The following ITSN1 variants were observed in gnomAD, a reference collection of about 807,000 sequenced individuals.
ITSN1 encodes intersectin 1, also known as intersectin-1.
ITSN1 carries 58 observed loss-of-function variants against 239.8 expected under a neutral mutation model. That is an observed-to-expected ratio of 0.24 (90% confidence interval 0.20 to 0.30). The LOEUF (loss-of-function observed/expected upper bound fraction) is 0.30, where lower values mean the gene tolerates loss of function less well. Ranked by LOEUF, ITSN1 falls within the 10% of genes least tolerant of loss-of-function variation. The pLI is 1.00. For synonymous variants in ITSN1, 780 were observed against 770.8 expected, an observed-to-expected ratio of 1.01 and a Z score of -0.20; for missense variants, 1,558 against 2,103.3, an observed-to-expected ratio of 0.74 and a Z score of 5.07.
At chr21:33,759,619 C>T (rs535288304) in intron 8 of ITSN1, among the ~76,000 whole-genome samples, 1 of 152,166 alleles carries the variant, frequency 6.6e-6, no homozygotes, top group East Asian at 1.9e-4. Context: ...TTCCATTGTA[C>T]CACAGTCCTT....
At chr21:33,803,769 G>A (rs1405219251) in intron 20 of ITSN1, among the ~76,000 whole-genome samples, 3 of 152,138 alleles carry the variant, frequency 2.0e-5, no homozygotes, top group African/African-American at 7.2e-5. Flanking sequence ...TCAAGGACAA[G>A]TATATTAGAG....
intron 29 of ITSN1, chr21:33,838,410 A>C (rs962726460): frequency 1.0e-6 from 1 of 983,226 alleles, no homozygotes; most frequent in African/African-American, 1.7e-5. Context: ...AAAATATATA[A>C]ATATATAAAC....
At chr21:33,779,898 C>T (rs2070009058) in intron 14 of ITSN1, among the ~76,000 whole-genome samples, 1 of 151,936 alleles carries the variant, frequency 6.6e-6, no homozygotes, top group Non-Finnish European at 1.5e-5. Context: ...GTGGTGCGAT[C>T]TCGGCTCACT....
At chr21:33,685,363 G>A (rs1422793696) in intron 1 of ITSN1, among the ~76,000 whole-genome samples, 3 of 152,080 alleles carry the variant, frequency 2.0e-5, no homozygotes, top group African/African-American at 7.2e-5. Context: ...GCAAGTTCAG[G>A]TTTAGTCATT....
Position 33,721,224 on chromosome 21 carries a change from T to C in ITSN1, c.75T>C (p.His25=). The change falls in exon 3 of 40, where the codon CAT becomes CAC. Residue 25 remains histidine (H), a synonymous_variant. Coordinates refer to ENST00000381318, the MANE Select transcript of ITSN1 (RefSeq NM_003024.3). ...WAITVEERAK[H]DQQFHSLKPI... is the part of the protein sequence containing the mutation. ...TAACTGTAGAGGAAAGAGCGAAGCA[T>C]GATCAGCAGTTCCATAGTTTAAAGC... 6.2e-7 allele frequency: 1 copy of C among 1,613,692 alleles called. No homozygotes were observed.
At chr21:33,711,687 T>C (rs1485693434) in intron 1 of ITSN1, among the ~76,000 whole-genome samples, 1 of 147,310 alleles carries the variant, frequency 6.8e-6, no homozygotes, top group Non-Finnish European at 1.5e-5. Context: ...TGTGTGTGTG[T>C]GTGTTGTGTA....
intron 1 of ITSN1, among the ~76,000 whole-genome samples, chr21:33,693,269 C>T (rs1384321974): frequency 6.6e-6 from 1 of 151,930 alleles, no homozygotes; most frequent in East Asian, 1.9e-4. Context: ...TCTCTTGGGA[C>T]TAGTCTTGAT....
rs1157216121 is a variant in ITSN1 at position 33,889,521 on chromosome 21, T to C, written c.*1221T>C. The C allele has an allele frequency of 6.6e-6, 1 of 152,114 alleles. No homozygotes were observed. Among genetic ancestry groups the C allele is most frequent in the Non-Finnish European group, 1.5e-5 (1 of 68,018 alleles). 9.4% of individuals were successfully genotyped at this position (152,114 alleles called of 1,614,324 possible). ...TGCCAAGCTGTTTGGTTTGAGTTCT[T>C]TAATTTTTTTTTCCCTTAAATGCCA... On this transcript the variant is annotated 3_prime_UTR_variant, in exon 40 of 40. Coordinates refer to ENST00000381318, the MANE Select transcript of ITSN1 (RefSeq NM_003024.3).
chr21:33,818,336 A>C lies in ITSN1; in HGVS notation c.2797A>C (p.Asn933His), dbSNP rs1259845651. 6.2e-7 allele frequency: 1 copy of C among 1,614,224 alleles called. No individual in the cohort carries two copies. The highest frequency in any genetic ancestry group is 1.7e-5 in the Admixed American group (1 of 60,024). Residue 933 changes from asparagine (N) to histidine (H), a missense_variant, in exon 23 of 40, where the codon AAT (asparagine) becomes CAT (histidine). Asn to His is a moderately conservative substitution (Grantham distance 68). Transcript: ENST00000381318. ...PWRAKKDNHL[N>H]FNKNDVITVL... ...GAGAGCCAAAAAAGACAACCACTTA[A>C]ATTTTAACAAAAATGATGTCATCAC... is the stretch of plus-strand genomic sequence containing the variant.
At chr21:33,672,306 T>A (rs2090336457) in intron 1 of ITSN1, among the ~76,000 whole-genome samples, 1 of 152,212 alleles carries the variant, frequency 6.6e-6, no homozygotes, top group African/African-American at 2.4e-5. Context: ...AGTTTTATTC[T>A]TCATTCTATC....
chr21:33,717,993 A>G (rs1177185874), intron 1 of ITSN1, among the ~76,000 whole-genome samples: 2 of 152,172 alleles, frequency 1.3e-5, no homozygotes, highest in African/African-American at 4.8e-5. Context: ...AGTCTGGGAC[A>G]GATGTTAGTG....
intron 1 of ITSN1, among the ~76,000 whole-genome samples, chr21:33,657,487 C>G (rs1310111702): frequency 6.6e-6 from 1 of 152,194 alleles, no homozygotes; most frequent in Non-Finnish European, 1.5e-5. Flanking sequence ...TTCATACCCT[C>G]TTTTGACATT....
At chr21:33,653,324 T>C (rs2088723753) in intron 1 of ITSN1, among the ~76,000 whole-genome samples, 1 of 152,096 alleles carries the variant, frequency 6.6e-6, no homozygotes, top group Non-Finnish European at 1.5e-5. Context: ...TTTAGTTAGC[T>C]GTTCAGTGAA....
chr21:33,745,420 G>A (rs2067120338), intron 5 of ITSN1, among the ~76,000 whole-genome samples: 1 of 152,188 alleles, frequency 6.6e-6, no homozygotes. Flanking sequence ...GTTGAGATGA[G>A]CAAATTCTTC....
intron 9 of ITSN1, among the ~76,000 whole-genome samples, chr21:33,764,482 T>A (rs2068583709): frequency 6.6e-6 from 1 of 152,096 alleles, no homozygotes; most frequent in South Asian, 2.1e-4. Flanking sequence ...CTTGCAAAAC[T>A]AGAGGAACAG....
chr21:33,818,502 A>T (rs748621087), intron 23 of ITSN1, 30 bp downstream of exon 23: 2 of 1,545,806 alleles, frequency 1.3e-6, no homozygotes, highest in South Asian at 2.2e-5. Context: ...CTTGTATTTG[A>T]TGAAAACAAT....
chr21:33,820,556 G>A (rs1408452681), intron 24 of ITSN1, among the ~76,000 whole-genome samples: 1 of 152,176 alleles, frequency 6.6e-6, no homozygotes, highest in Admixed American at 6.5e-5. Flanking sequence ...TTTAGGTGGA[G>A]ACAGCAAGGA....
Position 33,849,011 on chromosome 21 carries a change from C to T in ITSN1, c.3662-7725C>T, listed in dbSNP as rs568220718. ...ATCCCAGCACTTTGGGAGGCCGAGGCGGGCGGATCACCTGAAGTCAGGAGT... is the reference window on the plus strand; with the variant it reads ...ATCCCAGCACTTTGGGAGGCCGAGGTGGGCGGATCACCTGAAGTCAGGAGT... On this transcript the variant is annotated intron_variant, in intron 29 of 39. Coordinates refer to ENST00000381318, the MANE Select transcript of ITSN1 (RefSeq NM_003024.3). 3.6e-3 allele frequency among the ~76,000 whole-genome samples: 553 copies of T among 152,312 alleles called. 1 individual carries two copies. Among genetic ancestry groups the T allele is most frequent in the South Asian group, 0.017 (81 of 4,832 alleles).
chr21:33,811,725 C>T (rs556439829), intron 21 of ITSN1, among the ~76,000 whole-genome samples: 18 of 152,290 alleles, frequency 1.2e-4, no homozygotes, highest in Non-Finnish European at 2.1e-4. Context: ...GGTGTTTGCA[C>T]TTGGCCAGTT....
Sources: allele counts gnomAD v4.1 joint callset (sites outside exome capture counted in the v4.1 genomes callset), GRCh38; gene constraint gnomAD v4.1.1; transcripts MANE v1.5; gene names NCBI Gene and HGNC (gene_info 2026-07-23, HGNC 2026-07-21).